BCAT1: variants seen among roughly 807,000 people sequenced by gnomAD.
BCAT1 encodes the protein branched-chain-amino-acid aminotransferase, cytosolic.
Under a neutral mutation model 52.4 loss-of-function variants are expected in BCAT1, and 48 were observed. The observed-to-expected ratio is 0.92, with a 90% CI of 0.73 to 1.16. The LOEUF is 1.16. Ranked by LOEUF, BCAT1 falls within the 50% of genes most tolerant of loss-of-function variation. The pLI, the probability that BCAT1 is intolerant of heterozygous loss-of-function variation, is 0.00. For synonymous variants in BCAT1, 167 were observed against 161.3 expected (o/e 1.04, Z -0.27); for missense variants, 451 against 457.1 (o/e 0.99, Z 0.12).
intron 3 of BCAT1, among the ~76,000 whole-genome samples, chr12:24,890,325 C>T (rs532856104): frequency 2.6e-5 from 4 of 152,192 alleles, no homozygotes; most frequent in East Asian, 1.9e-4. Flanking sequence ...TGGACCAGAG[C>T]GACTCCATCC....
chr12:24,900,060 T>G (rs1943057930), intron 2 of BCAT1, among the ~76,000 whole-genome samples: 1 of 151,924 alleles, frequency 6.6e-6, no homozygotes, highest in Admixed American at 6.6e-5. Context: ...GTTTGTTTGT[T>G]TTTGTTTTTG....
intron 1 of BCAT1, among the ~76,000 whole-genome samples, chr12:24,915,852 T>C (rs1379778410): frequency 6.6e-6 from 1 of 152,228 alleles, no homozygotes; most frequent in African/African-American, 2.4e-5. Context: ...GAATCTCAGA[T>C]TAAGACTTTT....
chr12:24,882,774 T>C (rs1304111883), intron 3 of BCAT1, among the ~76,000 whole-genome samples: 1 of 151,924 alleles, frequency 6.6e-6, no homozygotes, highest in Non-Finnish European at 1.5e-5. Context: ...TAATTTTTTG[T>C]ATTTTTTGTA....
chr12:24,832,719 G>A lies in BCAT1; in HGVS notation c.1044+4C>T, dbSNP rs3736212. 0.1 allele frequency: 164,992 copies of A among 1,598,052 alleles called. 9,392 individuals carry two copies. Among genetic ancestry groups the A allele is most frequent in the Non-Finnish European group, 0.11 (133,482 of 1,172,340 alleles). ...GATAGGAAATGAGGAAATACTTGTC[G>A]TACCTCGCCTTTGTACAGTATATCA... On this transcript the variant is annotated splice_donor_region_variant and intron_variant, in intron 9 of 10. Transcript: ENST00000261192.
At chr12:24,927,616 C>T (rs1044768684) in intron 1 of BCAT1, among the ~76,000 whole-genome samples, 3 of 152,188 alleles carry the variant, frequency 2.0e-5, no homozygotes, top group Non-Finnish European at 4.4e-5. Context: ...AGAAAGCTGA[C>T]AGTAGAGAAG....
intron 8 of BCAT1, among the ~76,000 whole-genome samples, chr12:24,835,742 C>G (rs1023668055): frequency 1.3e-5 from 2 of 152,046 alleles, no homozygotes; most frequent in Non-Finnish European, 2.9e-5. Flanking sequence ...GCATGTACCA[C>G]CATGTTCAGC....
At chr12:24,890,615 G>A (rs1313478663) in intron 3 of BCAT1, among the ~76,000 whole-genome samples, 2 of 152,124 alleles carry the variant, frequency 1.3e-5, no homozygotes, top group Non-Finnish European at 1.5e-5. Flanking sequence ...AATTTACAGA[G>A]GCCATGGCAA....
rs1489735641 is a variant in BCAT1, at chr12:24,811,279, G to A, written c.*6729C>T. The A allele has an allele frequency of 6.6e-6, 1 of 152,116 alleles. No individual in the cohort carries two copies. The highest frequency in any genetic ancestry group is 2.4e-5 in the African/African-American group (1 of 41,414). 9.4% of individuals were successfully genotyped at this position (152,116 alleles called of 1,614,324 possible). ...ATCCTACATTTACTTCCCTTGACCA[G>A]AAACCTTGAGACATCATAAAAATGT... On this transcript the variant is annotated 3_prime_UTR_variant, in exon 11 of 11. Coordinates refer to ENST00000261192, the MANE Select transcript of BCAT1 (RefSeq NM_005504.7).
Position 24,878,513 on chromosome 12 carries a change from A to T in BCAT1, c.510+17T>A, listed in dbSNP as rs1163664458. ...CTTGCCCAGCAAAGTACCCCAAAAT[A>T]AAGAGTCAGTTTGCACCTCAGTTCC... is the stretch of plus-strand genomic sequence containing the variant. On this transcript the variant is annotated intron_variant, in intron 5 of 10. Coordinates refer to ENST00000261192, the MANE Select transcript of BCAT1 (RefSeq NM_005504.7). The T allele has an allele frequency of 6.3e-7, 1 of 1,596,560 alleles. No individual in the cohort carries two copies. The highest frequency in any genetic ancestry group is 2.2e-5 in the East Asian group (1 of 44,660).
At chr12:24,819,644 T>G (rs1940032412) in intron 10 of BCAT1, among the ~76,000 whole-genome samples, 1 of 152,188 alleles carries the variant, frequency 6.6e-6, no homozygotes, top group Non-Finnish European at 1.5e-5. Context: ...CTCTGTCTGA[T>G]GTTCTTTCTC....
At chr12:24,833,603 TTA>T (rs548646265) in intron 8 of BCAT1, among the ~76,000 whole-genome samples, 41 of 152,184 alleles carry the variant, frequency 2.7e-4, no homozygotes, top group Non-Finnish European at 4.0e-4. Context: ...ATATTAATAA[TTA>T]TAGCTACCAT....
chr12:24,910,546 A>G (rs909389945), intron 1 of BCAT1, among the ~76,000 whole-genome samples: 29 of 152,194 alleles, frequency 1.9e-4, no homozygotes, highest in Admixed American at 9.2e-4. Context: ...ATAATAAATC[A>G]TGCCCAAAAA....
At chr12:24,895,205 C>T (rs775562247) in intron 2 of BCAT1, among the ~76,000 whole-genome samples, 5 of 152,140 alleles carry the variant, frequency 3.3e-5, no homozygotes, top group South Asian at 2.1e-4. Context: ...AAACATTAAG[C>T]GTACAAATTG....
chr12:24,874,080 G>A (rs927324999), intron 5 of BCAT1, among the ~76,000 whole-genome samples: 10 of 152,234 alleles, frequency 6.6e-5, no homozygotes, highest in African/African-American at 1.2e-4. Flanking sequence ...TTGGGAGGCC[G>A]AGGTGGGCAG....
At chr12:24,825,679 C>T (rs866144281) in intron 10 of BCAT1, among the ~76,000 whole-genome samples, 2 of 152,006 alleles carry the variant, frequency 1.3e-5, no homozygotes, top group South Asian at 4.2e-4. Flanking sequence ...AATCAGGTCT[C>T]ATGCCCATTT....
At chr12:24,908,608 C>CCAT (rs1302187452) in intron 1 of BCAT1, among the ~76,000 whole-genome samples, 2 of 152,022 alleles carry the variant, frequency 1.3e-5, no homozygotes, top group Admixed American at 1.3e-4. Context: ...GGGCGTGGTG[C>CCAT]CATACACCTG....
At chr12:24,859,587 C>CTCCA (rs1338517830) in intron 5 of BCAT1, among the ~76,000 whole-genome samples, 62 of 134,336 alleles carry the variant, frequency 4.6e-4, no homozygotes, top group African/African-American at 1.7e-3. Flanking sequence ...CGCCACTGAA[C>CTCCA]TCCAGCTGGG....
intron 5 of BCAT1, among the ~76,000 whole-genome samples, chr12:24,867,168 GAAGA>G (rs573900968): frequency 2.0e-5 from 3 of 151,734 alleles, no homozygotes; most frequent in Non-Finnish European, 1.5e-5. Flanking sequence ...CTACCAGAAG[GAAGA>G]AACTCCGAAC....
chr12:24,821,076 G>A (rs751801726), intron 10 of BCAT1, among the ~76,000 whole-genome samples: 6 of 152,274 alleles, frequency 3.9e-5, no homozygotes, highest in East Asian at 1.9e-4. Context: ...AGGGCAGTCT[G>A]GAAACAAAGT....
Sources: allele counts gnomAD v4.1 joint callset (sites outside exome capture counted in the v4.1 genomes callset), GRCh38; gene constraint gnomAD v4.1.1; transcripts MANE v1.5; gene names NCBI Gene and HGNC (gene_info 2026-07-23, HGNC 2026-07-21).